The following LINGO2 variants were observed in gnomAD, a reference collection of about 807,000 sequenced individuals.
LINGO2 encodes the protein leucine rich repeat and Ig domain containing 2.
In LINGO2, 14 loss-of-function variants were observed where a neutral mutation model predicts 30.6. The observed-to-expected ratio is 0.46, with a 90% CI of 0.30 to 0.72. LINGO2 has a LOEUF of 0.72. Ranked by LOEUF, LINGO2 falls within the 30% of genes least tolerant of loss-of-function variation. The pLI is 0.07. For synonymous variants in LINGO2, 317 were observed against 288.5 expected (o/e 1.10, Z -1.00); for missense variants, 729 against 751.7 (o/e 0.97, Z 0.35).
At chr9:28,419,091 T>A (rs985949259) in intron 2 of LINGO2, among the ~76,000 whole-genome samples, 1 of 152,120 alleles carries the variant, frequency 6.6e-6, no homozygotes, top group African/African-American at 2.4e-5. Flanking sequence ...ACTGCAGAAT[T>A]AATATGTCAT....
chr9:29,063,079 T>A, the LINGO2 span, among the ~76,000 whole-genome samples: 4,486 of 152,214 alleles, frequency 0.029, 222 homozygotes, highest in African/African-American at 0.1. Flanking sequence ...GGGGAAACAA[T>A]TGATAGAAAT....
At chr9:28,024,749 C>A (rs1044699619) in intron 4 of LINGO2, among the ~76,000 whole-genome samples, 2 of 152,154 alleles carry the variant, frequency 1.3e-5, no homozygotes, top group Admixed American at 6.6e-5. Context: ...TTCTGGGGAG[C>A]CACATGGTGA....
chr9:28,808,585 G>GT, the LINGO2 span, among the ~76,000 whole-genome samples: 1 of 152,162 alleles, frequency 6.6e-6, no homozygotes, highest in African/African-American at 2.4e-5. Context: ...TCCCAGTTTT[G>GT]TAAGTGTGGA....
At chr9:28,583,116 G>C (rs148620652) in intron 1 of LINGO2, among the ~76,000 whole-genome samples, 33 of 152,004 alleles carry the variant, frequency 2.2e-4, no homozygotes, top group African/African-American at 7.9e-4. Flanking sequence ...AAATAGCACA[G>C]AATATAGCTA....
the LINGO2 span, among the ~76,000 whole-genome samples, chr9:29,150,948 G>C: frequency 6.6e-6 from 1 of 151,968 alleles, no homozygotes. Flanking sequence ...AAGGCACAGA[G>C]TCACCAGAGT....
At chr9:28,063,435 A>T (rs1240639124) in intron 4 of LINGO2, among the ~76,000 whole-genome samples, 4 of 148,694 alleles carry the variant, frequency 2.7e-5, no homozygotes, top group Non-Finnish European at 3.0e-5. Flanking sequence ...TATTATCCAC[A>T]TTTTTTTTTT....
At chr9:28,352,157 T>C (rs900198174) in intron 3 of LINGO2, among the ~76,000 whole-genome samples, 10 of 151,680 alleles carry the variant, frequency 6.6e-5, no homozygotes, top group African/African-American at 1.2e-4. Flanking sequence ...CCAGGGCTAT[T>C]AGGCAGGAGA....
chr9:28,778,561 A>C, the LINGO2 span, among the ~76,000 whole-genome samples: 1 of 152,228 alleles, frequency 6.6e-6, no homozygotes, highest in Non-Finnish European at 1.5e-5. Context: ...AGTTCAGAGA[A>C]ACTGCATACA....
chr9:28,910,030 C>T, the LINGO2 span, among the ~76,000 whole-genome samples: 1 of 151,986 alleles, frequency 6.6e-6, no homozygotes, highest in Non-Finnish European at 1.5e-5. Flanking sequence ...CAAAAATTAA[C>T]TTTAACAAGG....
the LINGO2 span, among the ~76,000 whole-genome samples, chr9:28,998,239 A>C: frequency 6.6e-6 from 1 of 152,202 alleles, no homozygotes; most frequent in Non-Finnish European, 1.5e-5. Context: ...AACAGCAGAA[A>C]TACCACAAGT....
At chr9:28,855,268 G>A in the LINGO2 span, among the ~76,000 whole-genome samples, 2 of 151,972 alleles carry the variant, frequency 1.3e-5, no homozygotes, top group African/African-American at 4.8e-5. Flanking sequence ...AAGGAAGGGT[G>A]GAAGGCAGTC....
Position 28,104,262 on chromosome 9 carries a change from G to GT in LINGO2, c.-86-91858dup, listed in dbSNP as rs1364642044. 3.5e-3 allele frequency among the ~76,000 whole-genome samples: 195 copies of GT among 55,724 alleles called. 1 individual carries two copies. Among genetic ancestry groups the GT allele is most frequent in the South Asian group, 0.017 (21 of 1,250 alleles). The allele number at this position is 55,724 out of a possible 152,430, so 36.6% of individuals were successfully genotyped here. A position where few individuals can be genotyped will look rare whatever the true frequency, so the allele number is the denominator to read the frequency against. On this transcript the variant is annotated intron_variant, in intron 4 of 5. Transcript: ENST00000379992. ...TGCTTTTCCCCAGTACAAGTTTTTT[G>GT]TTTGTTTTTTTTTTTTTTTTTTTTG...
chr9:28,273,940 AAGAGGAACTCCCCTTTCCTCC>A (rs2134099209), intron 4 of LINGO2, among the ~76,000 whole-genome samples: 1 of 152,288 alleles, frequency 6.6e-6, no homozygotes, highest in Admixed American at 6.5e-5. Context: ...CAATGGACAA[AAGAGGAACTCCCCTTTCCTCC>A]AGATAGAAAG....
chr9:27,983,463 G>A (rs1407137755), intron 5 of LINGO2, among the ~76,000 whole-genome samples: 1 of 151,808 alleles, frequency 6.6e-6, no homozygotes, highest in East Asian at 1.9e-4. Context: ...CCATCCAAAA[G>A]TCATTGAATT....
the LINGO2 span, among the ~76,000 whole-genome samples, chr9:28,755,382 G>A: frequency 6.6e-6 from 1 of 152,028 alleles, no homozygotes; most frequent in Non-Finnish European, 1.5e-5. Flanking sequence ...CTGGGTCTTA[G>A]TGGCTCCATC....
intron 4 of LINGO2, among the ~76,000 whole-genome samples, chr9:28,082,111 A>G (rs955752356): frequency 2.6e-5 from 4 of 152,162 alleles, no homozygotes; most frequent in Admixed American, 6.5e-5. Flanking sequence ...GTTGAGGTCT[A>G]TCTTCCTGCC....
At chr9:28,331,791 C>T (rs2134347504) in intron 3 of LINGO2, among the ~76,000 whole-genome samples, 1 of 152,200 alleles carries the variant, frequency 6.6e-6, no homozygotes, top group South Asian at 2.1e-4. Flanking sequence ...ACAGGATGAG[C>T]CACCATTCCC....
At chr9:29,189,877 C>G in the LINGO2 span, among the ~76,000 whole-genome samples, 1 of 148,412 alleles carries the variant, frequency 6.7e-6, no homozygotes, top group Non-Finnish European at 1.5e-5. Context: ...TCAGGCGTGG[C>G]AGCGCGCGCC....
At chr9:28,884,995 A>ATT in the LINGO2 span, among the ~76,000 whole-genome samples, 528 of 5,638 alleles carry the variant, frequency 0.094, 70 homozygotes, top group African/African-American at 0.21. Context: ...ATAATAATAT[A>ATT]TTATATATAT....
Sources: gnomAD v4.1 joint callset for allele counts (sites outside exome capture counted in the v4.1 genomes callset) on GRCh38, gnomAD v4.1.1 for gene constraint, MANE v1.5 for transcripts, NCBI Gene and HGNC (gene_info 2026-07-23, HGNC 2026-07-21) for gene names.